The following LRBA variants were observed in gnomAD, a reference collection of about 807,000 sequenced individuals.
The protein encoded by LRBA is lipopolysaccharide-responsive and beige-like anchor protein.
Under a neutral mutation model 330.0 loss-of-function variants are expected in LRBA, and 176 were observed. The ratio of observed to expected loss-of-function variants is 0.53; its 90% CI spans 0.47 to 0.60. LRBA has a LOEUF of 0.60. LRBA is among the 20% of genes least tolerant of loss of function. The pLI, the probability that LRBA is intolerant of heterozygous loss-of-function variation, is 0.00. For synonymous variants in LRBA, 1,230 were observed against 1,193.0 expected (o/e 1.03, Z -0.64); for missense variants, 3,259 against 3,444.8 (o/e 0.95, Z 1.35).
At chr4:150,404,323 T>C (rs926954458) in intron 47 of LRBA, among the ~76,000 whole-genome samples, 1 of 152,182 alleles carries the variant, frequency 6.6e-6, no homozygotes, top group Non-Finnish European at 1.5e-5. Flanking sequence ...TGGGAAAGAA[T>C]ATATAGGGGT....
At chr4:150,395,015 A>C (rs768462521) in intron 47 of LRBA, among the ~76,000 whole-genome samples, 1 of 152,194 alleles carries the variant, frequency 6.6e-6, no homozygotes, top group Non-Finnish European at 1.5e-5. Context: ...GGAGACTAGA[A>C]GGACGTTATT....
chr4:150,785,307 AGGC>A (rs1236264877), intron 34 of LRBA, among the ~76,000 whole-genome samples: 1 of 152,204 alleles, frequency 6.6e-6, no homozygotes, highest in Non-Finnish European at 1.5e-5. Context: ...GACATCTTAA[AGGC>A]CAATCATAGG....
chr4:150,274,261 G>A (rs1746484547), intron 56 of LRBA, among the ~76,000 whole-genome samples: 2 of 152,172 alleles, frequency 1.3e-5, no homozygotes, highest in African/African-American at 2.4e-5. Context: ...TGAAACCAAT[G>A]AGAACAAAGA....
intron 38 of LRBA, among the ~76,000 whole-genome samples, chr4:150,592,150 T>TTG (rs1554061669): frequency 2.8e-4 from 39 of 139,112 alleles, no homozygotes; most frequent in Admixed American, 5.1e-4. Flanking sequence ...TAGGGTTTTT[T>TTG]TTTTTTTTTT....
intron 2 of LRBA, among the ~76,000 whole-genome samples, chr4:150,965,778 A>T (rs1421143724): frequency 6.6e-6 from 1 of 151,800 alleles, no homozygotes; most frequent in East Asian, 1.9e-4. Flanking sequence ...TCCTGGGCTT[A>T]AACAGTCCTT....
chr4:151,002,619 T>A (rs987098548), intron 2 of LRBA, among the ~76,000 whole-genome samples: 1 of 142,850 alleles, frequency 7.0e-6, no homozygotes, highest in African/African-American at 2.6e-5. Flanking sequence ...CACAAGAGAA[T>A]AATGAAAACT....
chr4:150,860,839 A>C (rs1157179020), intron 22 of LRBA, among the ~76,000 whole-genome samples: 1 of 152,102 alleles, frequency 6.6e-6, no homozygotes, highest in Non-Finnish European at 1.5e-5. Flanking sequence ...AAATATATAA[A>C]CTAAACAAAA....
intron 28 of LRBA, among the ~76,000 whole-genome samples, chr4:150,833,187 T>A (rs982593670): frequency 6.6e-6 from 1 of 152,126 alleles, no homozygotes; most frequent in East Asian, 1.9e-4. Flanking sequence ...TTGAAGGGCC[T>A]AGGCTCCATT....
chr4:150,659,139 C>T (rs1780679642), intron 37 of LRBA, among the ~76,000 whole-genome samples: 1 of 136,608 alleles, frequency 7.3e-6, no homozygotes, highest in African/African-American at 2.6e-5. Context: ...CGGCCGCCAC[C>T]CCGTCTGGGA....
intron 36 of LRBA, among the ~76,000 whole-genome samples, chr4:150,730,678 GAAA>G (rs112842947): frequency 1.1e-5 from 1 of 89,890 alleles, no homozygotes; most frequent in Non-Finnish European, 2.3e-5. Flanking sequence ...GTGAGGCTCT[GAAA>G]AAAAAAAAAA....
chr4:150,924,305 G>A (rs1274913691), intron 4 of LRBA, among the ~76,000 whole-genome samples: 3 of 151,958 alleles, frequency 2.0e-5, no homozygotes, highest in Non-Finnish European at 4.4e-5. Context: ...TGAGCCTAGG[G>A]GTTTGAGACC....
At chr4:150,478,941 T>C (rs1353576748) in intron 42 of LRBA, among the ~76,000 whole-genome samples, 2 of 152,154 alleles carry the variant, frequency 1.3e-5, no homozygotes, top group Admixed American at 1.3e-4. Flanking sequence ...CATGGCTGAG[T>C]GCTTGACACA....
In LRBA at chr4:150,350,058, C is replaced by T. The variant is rs1207721832; in HGVS notation, c.7296G>A (p.Val2432=). The stretch of plus-strand genomic sequence containing the variant: ...CTCCTTCATAGGTCAAGTAATAGAA[C>T]ACATTGAGGGCTCGGACAGCTTCTG... ...QGPEAVRALN[V]FYYLTYEGAV... Residue 2432 remains valine (V), a synonymous_variant, in exon 48 of 57, where the codon GTG becomes GTA. Transcript: ENST00000651943. The T allele has an allele frequency of 1.2e-6, 2 of 1,613,558 alleles. No homozygotes were observed. The highest frequency in any genetic ancestry group is 1.7e-6 in the Non-Finnish European group (2 of 1,179,664).
intron 48 of LRBA, among the ~76,000 whole-genome samples, chr4:150,339,876 G>A (rs978852578): frequency 2.1e-5 from 3 of 140,728 alleles, no homozygotes; most frequent in South Asian, 4.4e-4. Flanking sequence ...ATGATAATAC[G>A]GTTTGGCTGC....
At chr4:150,908,905 T>C (rs962512607) in intron 9 of LRBA, 48 bp from the exon 10 acceptor site, 1 of 1,305,410 alleles carries the variant, frequency 7.7e-7, no homozygotes, top group East Asian at 2.3e-5. Context: ...AAAGAGAATC[T>C]AAGTACAAAT....
intron 47 of LRBA, among the ~76,000 whole-genome samples, chr4:150,409,934 G>A (rs1016891778): frequency 3.9e-5 from 6 of 152,086 alleles, no homozygotes; most frequent in African/African-American, 1.2e-4. Context: ...ATGAAGACAT[G>A]AGAGGGAGAT....
chr4:150,654,547 A>T (rs977595783), intron 37 of LRBA, among the ~76,000 whole-genome samples: 3 of 151,782 alleles, frequency 2.0e-5, no homozygotes, highest in Admixed American at 6.6e-5. Flanking sequence ...CCTTAAAGTC[A>T]TTTTTTTTAT....
At chr4:150,527,230 C>A (rs943257334) in intron 40 of LRBA, among the ~76,000 whole-genome samples, 1 of 152,058 alleles carries the variant, frequency 6.6e-6, no homozygotes, top group African/African-American at 2.4e-5. Flanking sequence ...ACTTTTCAAC[C>A]ATACTTTTCT....
At chr4:150,991,874 A>C (rs1324837509) in intron 2 of LRBA, among the ~76,000 whole-genome samples, 1 of 152,232 alleles carries the variant, frequency 6.6e-6, no homozygotes, top group Non-Finnish European at 1.5e-5. Flanking sequence ...TGATCTAATG[A>C]GAGAAATATA....
Sources: allele counts gnomAD v4.1 joint callset (sites outside exome capture counted in the v4.1 genomes callset), GRCh38; gene constraint gnomAD v4.1.1; transcripts MANE v1.5; gene names NCBI Gene and HGNC (gene_info 2026-07-23, HGNC 2026-07-21).